Variants in PSMD14 observed in about 807,000 individuals in gnomAD.
PSMD14 encodes the protein proteasome 26S subunit, non-ATPase 14.
In PSMD14, 7 loss-of-function variants were observed where a neutral mutation model predicts 41.2. The ratio of observed to expected loss-of-function variants is 0.17; its 90% CI spans 0.10 to 0.32. The LOEUF (loss-of-function observed/expected upper bound fraction) is 0.32. Among genes scored for constraint, PSMD14 ranks in the 10% least tolerant of loss-of-function variants. PSMD14 has a pLI of 1.00. For synonymous variants in PSMD14, 114 were observed against 122.3 expected, an observed-to-expected ratio of 0.93 and a Z score of 0.45; for missense variants, 139 against 375.6, an observed-to-expected ratio of 0.37 and a Z score of 5.21.
rs577671691 is a variant in PSMD14, at chr2:161,327,019, T to A, written c.48+8146T>A. ...TATGGAGGGCTGATTGTACATACAA[T>A]GGAATATTATTAAACTTTAAAGGAA... On this transcript the variant is annotated intron_variant, in intron 3 of 11. Coordinates refer to ENST00000409682, the MANE Select transcript of PSMD14 (RefSeq NM_005805.6). 5.9e-5 allele frequency among the ~76,000 whole-genome samples: 9 copies of A among 152,298 alleles called. 2 individuals are homozygous for A. The South Asian group carries it at 1.9e-3, about 32-fold the overall frequency.
Position 161,343,343 on chromosome 2 carries a change from G to A in PSMD14, c.49-24135G>A, listed in dbSNP as rs143873542. On this transcript the variant is annotated intron_variant, in intron 3 of 11. Transcript: ENST00000409682. ...TATTTGTCATTTTGTGACTGGCCTA[G>A]CATAATGTCATTAAGGTTCATCCAT... Among the ~76,000 whole-genome samples, 6 of 152,298 alleles carry A rather than the reference G, an allele frequency of 3.9e-5. No individual in the cohort carries two copies. The East Asian group carries it at 9.6e-4, about 24-fold the overall frequency.
chr2:161,389,667 C>T (rs1230389044), intron 8 of PSMD14, among the ~76,000 whole-genome samples: 1 of 151,642 alleles, frequency 6.6e-6, no homozygotes, highest in Non-Finnish European at 1.5e-5. Context: ...GTGATTTTTG[C>T]TAGCAAAGCT....
At position 161,341,114 on chromosome 2, in the gene PSMD14, C is replaced by T. The variant is rs1682950912; in HGVS notation, c.48+22241C>T. ...GCCCCGCGGGCTCTCCAGGCTCCTC[C>T]GGCCCCGCGGGCGAGGCCGCCGGCT... On this transcript the variant is annotated intron_variant, in intron 3 of 11. Coordinates refer to ENST00000409682, the MANE Select transcript of PSMD14 (RefSeq NM_005805.6). 4.4e-6 allele frequency: 6 copies of T among 1,353,880 alleles called. No individual in the cohort carries two copies. In the South Asian group the frequency reaches 8.2e-5, roughly 18 times the overall value. The allele number at this position is 1,353,880 out of a possible 1,614,324, so 83.9% of individuals were successfully genotyped here. A position where few individuals can be genotyped will look rare whatever the true frequency, so the allele number is the denominator to read the frequency against.
chr2:161,320,065 T>C (rs969121899), intron 3 of PSMD14, among the ~76,000 whole-genome samples: 1 of 152,174 alleles, frequency 6.6e-6, no homozygotes, highest in Non-Finnish European at 1.5e-5. Flanking sequence ...GTTTCCATTC[T>C]TTTGTAAACA....
At chr2:161,360,676 G>C (rs1044353588) in intron 3 of PSMD14, among the ~76,000 whole-genome samples, 2 of 151,964 alleles carry the variant, frequency 1.3e-5, no homozygotes, top group Admixed American at 6.6e-5. Flanking sequence ...AGTTGGGATT[G>C]CAAGTACATG....
At position 161,357,900 on chromosome 2, in the gene PSMD14, G is replaced by A. The variant is rs538524790; in HGVS notation, c.49-9578G>A. ...TTCAATCTCCAATCAATGACTTCCTGTTCTTTTTTTTTTTTAATGGTGGTG... is the reference window on the plus strand; with the variant it reads ...TTCAATCTCCAATCAATGACTTCCTATTCTTTTTTTTTTTTAATGGTGGTG... On this transcript the variant is annotated intron_variant, in intron 3 of 11. Transcript: ENST00000409682. Among the ~76,000 whole-genome samples the A allele has an allele frequency of 2.4e-4, 22 of 90,700 alleles. No individual in the cohort carries two copies. The South Asian group carries it at 5.9e-3, about 24-fold the overall frequency. 59.5% of individuals were successfully genotyped at this position (90,700 alleles called of 152,430 possible).
chr2:161,399,430 C>G (rs1002943474), intron 10 of PSMD14, among the ~76,000 whole-genome samples: 4 of 151,986 alleles, frequency 2.6e-5, no homozygotes, highest in African/African-American at 7.2e-5. Flanking sequence ...CAGAGAATTC[C>G]TATAAAATAT....
At chr2:161,308,756 G>A (rs1039201989) in intron 1 of PSMD14, 152 bp downstream of exon 1, 4 of 152,356 alleles carry the variant, frequency 2.6e-5, no homozygotes, top group African/African-American at 9.6e-5. Context: ...CATTCTCTTC[G>A]CCTGCTCTCA....
chr2:161,362,304 A>G (rs926445997), intron 3 of PSMD14, among the ~76,000 whole-genome samples: 2 of 152,206 alleles, frequency 1.3e-5, no homozygotes, highest in Non-Finnish European at 2.9e-5. Flanking sequence ...TTCCCCTACT[A>G]TAAAAGATAG....
chr2:161,348,909 A>G (rs12624268), intron 3 of PSMD14, among the ~76,000 whole-genome samples: 3 of 152,124 alleles, frequency 2.0e-5, no homozygotes, highest in African/African-American at 7.3e-5. Context: ...AAAGTAAATA[A>G]CAGTGGTTAG....
At chr2:161,357,813 T>A (rs1267250301) in intron 3 of PSMD14, among the ~76,000 whole-genome samples, 2 of 152,170 alleles carry the variant, frequency 1.3e-5, no homozygotes, top group African/African-American at 2.4e-5. Context: ...TTAGTTATAC[T>A]GGTGCCTTCG....
At chr2:161,387,961 A>G (rs1171332933) in intron 8 of PSMD14, among the ~76,000 whole-genome samples, 1 of 152,030 alleles carries the variant, frequency 6.6e-6, no homozygotes, top group East Asian at 1.9e-4. Flanking sequence ...ATATTAATAT[A>G]TGATAATGTA....
chr2:161,400,326 G>A (rs993405957), intron 10 of PSMD14, among the ~76,000 whole-genome samples: 4 of 152,086 alleles, frequency 2.6e-5, no homozygotes, highest in Admixed American at 6.6e-5. Context: ...TGGGTTTCAT[G>A]CAACAGGAAG....
intron 10 of PSMD14, among the ~76,000 whole-genome samples, chr2:161,400,561 T>C (rs1683861966): frequency 6.6e-6 from 1 of 152,166 alleles, no homozygotes; most frequent in African/African-American, 2.4e-5. Flanking sequence ...TTATTTTTAT[T>C]TTTATTATTA....
chr2:161,407,115 C>T (rs1683957856), intron 10 of PSMD14, among the ~76,000 whole-genome samples: 1 of 152,182 alleles, frequency 6.6e-6, no homozygotes, highest in South Asian at 2.1e-4. Context: ...GTATGGAGTA[C>T]AAACTTATGT....
chr2:161,358,759 A>G (rs1193102487), intron 3 of PSMD14, among the ~76,000 whole-genome samples: 1 of 152,150 alleles, frequency 6.6e-6, no homozygotes, highest in Non-Finnish European at 1.5e-5. Context: ...TCTGGCCAAC[A>G]TGGTGAAACC....
chr2:161,311,625 C>CT (rs34635738), intron 1 of PSMD14, among the ~76,000 whole-genome samples: 1,297 of 58,206 alleles, frequency 0.022, 21 homozygotes, highest in South Asian at 0.048. Context: ...CTCACTCTTC[C>CT]TTTTTTTTTT....
chr2:161,352,964 C>T (rs1398095092), intron 3 of PSMD14, among the ~76,000 whole-genome samples: 6 of 152,174 alleles, frequency 3.9e-5, no homozygotes, highest in Admixed American at 1.3e-4. Flanking sequence ...CAGCTAATCC[C>T]AGACTTGAAC....
At chr2:161,347,261 G>C (rs562368783) in intron 3 of PSMD14, among the ~76,000 whole-genome samples, 21 of 152,230 alleles carry the variant, frequency 1.4e-4, no homozygotes, top group African/African-American at 4.8e-4. Context: ...TGTAGATTTA[G>C]TTTCTGTTAC....
Sources: gnomAD v4.1 joint callset for allele counts (sites outside exome capture counted in the v4.1 genomes callset) on GRCh38, gnomAD v4.1.1 for gene constraint, MANE v1.5 for transcripts, NCBI Gene and HGNC (gene_info 2026-07-23, HGNC 2026-07-21) for gene names.